Variants in EYS observed in about 807,000 individuals in gnomAD.
EYS encodes protein eyes shut homolog.
EYS carries 250 observed loss-of-function variants against 282.1 expected under a neutral mutation model. The observed-to-expected ratio is 0.89, with a 90% CI of 0.80 to 0.98. The LOEUF is 0.98. Among genes scored for constraint, EYS ranks in the 50% least tolerant of loss-of-function variants. The pLI, the probability that EYS is intolerant of heterozygous loss-of-function variation, is 0.00. For missense variants in EYS, 4,016 were observed against 3,709.0 expected (o/e 1.08, Z -2.15); for synonymous variants, 1,355 against 1,282.9 (o/e 1.06, Z -1.20).
intron 22 of EYS, among the ~76,000 whole-genome samples, chr6:64,683,598 AGATGTCCTAG>A (rs1202843784): frequency 1.3e-5 from 2 of 152,306 alleles, no homozygotes; most frequent in East Asian, 3.9e-4. Context: ...AATGGAGTCT[AGATGTCCTAG>A]GATAGGAGAT....
At chr6:64,539,911 C>A (rs1657054781) in intron 26 of EYS, among the ~76,000 whole-genome samples, 1 of 152,156 alleles carries the variant, frequency 6.6e-6, no homozygotes, top group South Asian at 2.1e-4. Context: ...TGTCTTTGGC[C>A]TTGGAAGCAT....
intron 22 of EYS, among the ~76,000 whole-genome samples, chr6:64,693,199 C>T (rs554918754): frequency 2.2e-4 from 33 of 151,254 alleles, no homozygotes; most frequent in East Asian, 5.8e-4. Flanking sequence ...TTATCATGTT[C>T]GTTAATTGAA....
intron 19 of EYS, among the ~76,000 whole-genome samples, chr6:64,886,495 A>C (rs2150063116): frequency 6.6e-6 from 1 of 152,156 alleles, no homozygotes; most frequent in Non-Finnish European, 1.5e-5. Context: ...CTTAAAATCT[A>C]ATCTTAGGAT....
intron 31 of EYS, among the ~76,000 whole-genome samples, chr6:64,203,594 G>A (rs1237544844): frequency 2.0e-5 from 3 of 152,046 alleles, no homozygotes; most frequent in Non-Finnish European, 4.4e-5. Flanking sequence ...CTCTGACCAC[G>A]TTTTTCTGTA....
intron 11 of EYS, chr6:65,332,368 T>A: frequency 1.0e-6 from 1 of 957,758 alleles, no homozygotes; most frequent in Non-Finnish European, 1.7e-6. Context: ...TGTATAAACC[T>A]TTCTATATGT....
chr6:63,978,728 T>C (rs6914121), intron 35 of EYS, among the ~76,000 whole-genome samples: 53,525 of 151,688 alleles, frequency 0.35, 9,507 homozygotes, highest in African/African-American at 0.38. Context: ...AGCTAAGACC[T>C]GATATCCTGT....
intron 12 of EYS, among the ~76,000 whole-genome samples, chr6:65,246,372 G>A (rs1284213827): frequency 6.6e-6 from 1 of 152,052 alleles, no homozygotes; most frequent in Non-Finnish European, 1.5e-5. Flanking sequence ...GCAAATAAAA[G>A]TTTGTTGAAT....
intron 30 of EYS, among the ~76,000 whole-genome samples, chr6:64,233,721 T>C (rs1044827678): frequency 2.0e-5 from 3 of 152,174 alleles, no homozygotes; most frequent in Non-Finnish European, 4.4e-5. Flanking sequence ...TCAATAACTT[T>C]TTCTTAATGA....
At chr6:65,435,911 C>T (rs141932217) in intron 5 of EYS, among the ~76,000 whole-genome samples, 3 of 151,974 alleles carry the variant, frequency 2.0e-5, no homozygotes, top group Non-Finnish European at 4.4e-5. Flanking sequence ...ATTTAAAAGC[C>T]GAAAACAGAG....
chr6:63,912,419 C>T (rs1210374644), intron 35 of EYS, among the ~76,000 whole-genome samples: 2 of 152,054 alleles, frequency 1.3e-5, no homozygotes, highest in Admixed American at 6.6e-5. Context: ...CTTTTTAACC[C>T]GATAGACCCC....
intron 15 of EYS, among the ~76,000 whole-genome samples, chr6:64,932,786 A>G (rs959096499): frequency 6.6e-6 from 1 of 151,946 alleles, no homozygotes; most frequent in Non-Finnish European, 1.5e-5. Context: ...ATCTAAGAAA[A>G]ATCTCTGTGA....
At chr6:65,384,630 T>C in intron 7 of EYS, 130 bp from the exon 8 acceptor site, 1 of 610,336 alleles carries the variant, frequency 1.6e-6, no homozygotes, top group South Asian at 2.0e-5. Context: ...TTTTAATACA[T>C]ACCTGTGATC....
chr6:64,536,988 T>C (rs978660697), intron 26 of EYS, among the ~76,000 whole-genome samples: 5 of 151,548 alleles, frequency 3.3e-5, no homozygotes, highest in African/African-American at 1.2e-4. Flanking sequence ...TATGTGTCTC[T>C]TTGTAAAATT....
chr6:64,357,070 G>T, intron 29 of EYS, among the ~76,000 whole-genome samples: 1 of 151,594 alleles, frequency 6.6e-6, no homozygotes, highest in Non-Finnish European at 1.5e-5. Context: ...GAGTCAATTT[G>T]CATTTATTCA....
At chr6:65,086,039 T>C (rs1486205728) in intron 12 of EYS, among the ~76,000 whole-genome samples, 1 of 151,928 alleles carries the variant, frequency 6.6e-6, no homozygotes, top group African/African-American at 2.4e-5. Flanking sequence ...TTTTTTTTTT[T>C]TTTAAATCCT....
At chr6:65,609,506 A>G (rs1344026878) in intron 2 of EYS, among the ~76,000 whole-genome samples, 1 of 152,122 alleles carries the variant, frequency 6.6e-6, no homozygotes, top group African/African-American at 2.4e-5. Flanking sequence ...TCATCTTAAA[A>G]GGAGATTCTC....
chr6:64,215,865 T>C (rs970208099), intron 31 of EYS, among the ~76,000 whole-genome samples: 1 of 152,046 alleles, frequency 6.6e-6, no homozygotes, highest in South Asian at 2.1e-4. Flanking sequence ...GAAGTGTAGA[T>C]GATAAAAAAT....
chr6:64,639,129 T>G (rs1768052768), intron 22 of EYS, among the ~76,000 whole-genome samples: 1 of 89,186 alleles, frequency 1.1e-5, no homozygotes, highest in African/African-American at 4.5e-5. Flanking sequence ...TGTCTTTGCA[T>G]GGTCTTCCCT....
chr6:64,875,456 A>T (rs1766719391), intron 19 of EYS, among the ~76,000 whole-genome samples: 1 of 152,054 alleles, frequency 6.6e-6, no homozygotes, highest in Non-Finnish European at 1.5e-5. Flanking sequence ...CCAGCCTCTG[A>T]TATCAGTTGC....
Sources: gnomAD v4.1 joint callset for allele counts (sites outside exome capture counted in the v4.1 genomes callset) on GRCh38, gnomAD v4.1.1 for gene constraint, MANE v1.5 for transcripts, NCBI Gene and HGNC (gene_info 2026-07-23, HGNC 2026-07-21) for gene names.